Variants in FBXO31 observed in about 807,000 individuals in gnomAD.
FBXO31 encodes F-box only protein 31.
In FBXO31, 24 loss-of-function variants were observed where a neutral mutation model predicts 54.4. That is an observed-to-expected ratio of 0.44 (90% CI 0.32 to 0.62). The LOEUF is 0.62. FBXO31 is among the 20% of genes least tolerant of loss of function. The pLI, the probability that FBXO31 is intolerant of heterozygous loss-of-function variation, is 0.05. For synonymous variants in FBXO31, 388 were observed against 335.6 expected (o/e 1.16, Z -1.71); for missense variants, 665 against 787.1 (o/e 0.84, Z 1.86).
At chr16:87,341,146 C>G (rs1378399183) in intron 5 of FBXO31, among the ~76,000 whole-genome samples, 1 of 152,196 alleles carries the variant, frequency 6.6e-6, no homozygotes, top group East Asian at 1.9e-4. Context: ...GTGTTTCTCT[C>G]ATTTCCACAA....
chr16:87,354,260 C>A (rs746151231), intron 2 of FBXO31, among the ~76,000 whole-genome samples: 8 of 151,828 alleles, frequency 5.3e-5, no homozygotes, highest in Non-Finnish European at 1.0e-4. Context: ...ATCGCTTGAG[C>A]CCAGGAGTTC....
intron 1 of FBXO31, among the ~76,000 whole-genome samples, chr16:87,363,713 CAGGGACTCTGTGAGAGTCTCCTGAG>C (rs1186695525): frequency 3.3e-5 from 5 of 152,282 alleles, no homozygotes; most frequent in Admixed American, 2.0e-4. Flanking sequence ...GAGAACTGGA[CAGGGACTCTGTGAGAGTCTCCTGAG>C]AGGGACTCTC....
At chr16:87,390,639 G>A (rs796070615), upstream of FBXO31, among the ~76,000 whole-genome samples, 9 of 151,994 alleles carry the variant, frequency 5.9e-5, 1 homozygote, top group African/African-American at 2.2e-4. Flanking sequence ...TGGGGGTTTC[G>A]CCATGTTGAC....
intron 5 of FBXO31, among the ~76,000 whole-genome samples, chr16:87,339,064 C>T (rs1301880531): frequency 6.6e-6 from 1 of 152,212 alleles, no homozygotes; most frequent in African/African-American, 2.4e-5. Flanking sequence ...GCCTCCCCAG[C>T]CACATGGAAC....
At chr16:87,351,109 G>A (rs1001279047) in intron 2 of FBXO31, among the ~76,000 whole-genome samples, 5 of 152,224 alleles carry the variant, frequency 3.3e-5, no homozygotes, top group Non-Finnish European at 5.9e-5. Context: ...CAGACCCAGA[G>A]GGGACACAGA....
At chr16:87,351,732 C>T (rs889931224) in intron 2 of FBXO31, among the ~76,000 whole-genome samples, 7 of 152,202 alleles carry the variant, frequency 4.6e-5, no homozygotes, top group Admixed American at 1.3e-4. Flanking sequence ...AGCCAGACAT[C>T]GTGGCGTACG....
intron 2 of FBXO31, among the ~76,000 whole-genome samples, chr16:87,354,743 G>A (rs1363707940): frequency 6.6e-6 from 1 of 152,172 alleles, no homozygotes; most frequent in Non-Finnish European, 1.5e-5. Context: ...CGAGGTAGAT[G>A]GATCACCTGA....
chr16:87,380,870 T>G (rs1207268974), intron 1 of FBXO31, among the ~76,000 whole-genome samples: 1 of 152,250 alleles, frequency 6.6e-6, no homozygotes, highest in Non-Finnish European at 1.5e-5. Flanking sequence ...ATTCTAAGAA[T>G]TTATTCTGAG....
In FBXO31 at chr16:87,347,212, G is replaced by C; in HGVS notation, c.451C>G (p.Pro151Ala). Residue 151 changes from proline (P) to alanine (A), a missense_variant, in exon 3 of 9, where the codon CCA becomes GCA. Around this residue, in one of 4 missense-constraint regions of FBXO31, gnomAD observed 234 missense variants for 346.8 expected, o/e 0.67. Coordinates refer to ENST00000311635, the MANE Select transcript of FBXO31 (RefSeq NM_024735.5). ...AGTCCTCCGTATGGCCCGATATCTG[G>C]CTGCCACAATCCCAAAATGTGTCTA... ...RYRHILGLWQ[P>A]DIGPYGGLLN... 1.2e-6 allele frequency: 2 copies of C among 1,614,134 alleles called. No homozygotes were observed. Among genetic ancestry groups the C allele is most frequent in the Non-Finnish European group, 1.7e-6 (2 of 1,180,014 alleles).
chr16:87,347,156 C>T lies in FBXO31; in HGVS notation c.489+18G>A, dbSNP rs372007950. Reference sequence around the variant, plus strand: ...TCCTGCCCGTGCACAGACCTCGTCGCGAGGCTCCGGGACTTACCACCACGT... The same window carrying T: ...TCCTGCCCGTGCACAGACCTCGTCGTGAGGCTCCGGGACTTACCACCACGT... On this transcript the variant is annotated intron_variant, in intron 3 of 8. Transcript: ENST00000311635. 9 of 1,612,828 alleles carry T rather than the reference C, an allele frequency of 5.6e-6. No individual in the cohort carries two copies. The highest frequency in any genetic ancestry group is 1.7e-4 in the Middle Eastern group (1 of 6,006).
At chr16:87,349,199 G>C (rs1386191497) in intron 2 of FBXO31, among the ~76,000 whole-genome samples, 1 of 152,218 alleles carries the variant, frequency 6.6e-6, no homozygotes, top group Non-Finnish European at 1.5e-5. Flanking sequence ...CAAAGTCCAT[G>C]TGAAGAGGTG....
intron 1 of FBXO31, among the ~76,000 whole-genome samples, chr16:87,361,118 G>A (rs755079688): frequency 1.3e-5 from 2 of 152,224 alleles, no homozygotes; most frequent in African/African-American, 2.4e-5. Flanking sequence ...CACAACTACA[G>A]AACTGCACAT....
Position 87,361,261 on chromosome 16 carries a change from T to C in FBXO31, c.341-895A>G, listed in dbSNP as rs115282307. On this transcript the variant is annotated intron_variant, in intron 1 of 8. Coordinates refer to ENST00000311635, the MANE Select transcript of FBXO31 (RefSeq NM_024735.5). ...AGAGAGTCACCACTGTCATCTCCAT[T>C]TTAACAGAGAAAACAAGTGCAGAGA... Among the ~76,000 whole-genome samples the C allele has an allele frequency of 4.0e-3, 607 of 152,272 alleles. 1 individual carries two copies. The highest frequency in any genetic ancestry group is 0.014 in the African/African-American group (567 of 41,550).
In FBXO31 at chr16:87,346,590, G is replaced by A. The variant is rs1905397217; in HGVS notation, c.489+584C>T. On this transcript the variant is annotated intron_variant, in intron 3 of 8. Transcript: ENST00000311635. The surrounding 1 kb of genome is among the most constrained non-coding windows in gnomAD (Gnocchi z 4.2). ...ACCCCAACGGCAAGCAGGCTGCCGGGAGAAGGGAAACGGAGACGACTCTGC... is the reference window on the plus strand; with the variant it reads ...ACCCCAACGGCAAGCAGGCTGCCGGAAGAAGGGAAACGGAGACGACTCTGC... Among the ~76,000 whole-genome samples, 1 of 152,190 alleles carries A rather than the reference G, an allele frequency of 6.6e-6. No homozygotes were observed. Among genetic ancestry groups the A allele is most frequent in the Non-Finnish European group, 1.5e-5 (1 of 68,032 alleles).
Position 87,340,048 on chromosome 16 carries a change from C to T in FBXO31, c.732+2829G>A, listed in dbSNP as rs532214274. 3.9e-5 allele frequency among the ~76,000 whole-genome samples: 6 copies of T among 152,286 alleles called. No individual in the cohort carries two copies. The East Asian group carries it at 5.8e-4, about 15-fold the overall frequency. On this transcript the variant is annotated intron_variant, in intron 5 of 8. Coordinates refer to ENST00000311635, the MANE Select transcript of FBXO31 (RefSeq NM_024735.5). The stretch of plus-strand genomic sequence containing the variant: ...CTGTAATCCCAGCACTTTGGGAGGC[C>T]GAGGTGGGCGGATCACCTGAGGTCA...
intron 1 of FBXO31, among the ~76,000 whole-genome samples, chr16:87,372,083 G>C (rs1428826280): frequency 6.6e-6 from 1 of 151,994 alleles, no homozygotes; most frequent in Non-Finnish European, 1.5e-5. Flanking sequence ...AATTAGCCAG[G>C]TATGGTGGCA....
Position 87,346,364 on chromosome 16 carries a change from G to A in FBXO31, c.489+810C>T, listed in dbSNP as rs1473612611. Among the ~76,000 whole-genome samples the A allele has an allele frequency of 6.6e-6, 1 of 152,266 alleles. No individual in the cohort carries two copies. Among genetic ancestry groups the A allele is most frequent in the African/African-American group, 2.4e-5 (1 of 41,552 alleles). On this transcript the variant is annotated intron_variant, in intron 3 of 8. Transcript: ENST00000311635. The surrounding 1 kb of genome is among the most constrained non-coding windows in gnomAD (Gnocchi z 4.2). Reference sequence around the variant, plus strand: ...ACGCCTGGAGATCAGGAGAAAAGGCGGGGGCTAGACTCGAAAGAAACTTTC... The same window carrying A: ...ACGCCTGGAGATCAGGAGAAAAGGCAGGGGCTAGACTCGAAAGAAACTTTC...
Position 87,331,520 on chromosome 16 carries a change from A to T in FBXO31, c.1398-10T>A, listed in dbSNP as rs769232968. 1 of 1,587,648 alleles carries T rather than the reference A, an allele frequency of 6.3e-7. No homozygotes were observed. The highest frequency in any genetic ancestry group is 2.3e-5 in the East Asian group (1 of 44,078). ...GCCTGTGCCATAAAAACTGAGCAGA[A>T]ACAAGAGGGAAACTGTGAGCTGGGG... On this transcript the variant is annotated splice_polypyrimidine_tract_variant and intron_variant, in intron 8 of 8. Coordinates refer to ENST00000311635, the MANE Select transcript of FBXO31 (RefSeq NM_024735.5).
At chr16:87,339,512 G>A (rs1040710198) in intron 5 of FBXO31, among the ~76,000 whole-genome samples, 1 of 152,220 alleles carries the variant, frequency 6.6e-6, no homozygotes. Context: ...TGCAGAAGAG[G>A]AGAGGCTGCT....
Sources: gnomAD v4.1 joint callset for allele counts (sites outside exome capture counted in the v4.1 genomes callset) on GRCh38, gnomAD v4.1.1 for gene constraint, gnomAD v4.1.1 regional missense constraint, Gnocchi (gnomAD v3.1) non-coding constraint, MANE v1.5 for transcripts, NCBI Gene and HGNC (gene_info 2026-07-23, HGNC 2026-07-21) for gene names.